Variants in OPHN1 observed in about 807,000 individuals in gnomAD.
OPHN1 encodes oligophrenin-1.
A neutral mutation model predicts 60.7 loss-of-function variants in OPHN1; 11 were observed. The observed-to-expected ratio is 0.18, with a 90% CI of 0.11 to 0.30. OPHN1 has a LOEUF of 0.30. OPHN1 is among the 10% of genes least tolerant of loss of function. The probability of loss-of-function intolerance (pLI) is 1.00; values close to 1 mark genes in which losing one functional copy is unlikely to be tolerated. For synonymous variants in OPHN1, 226 were observed against 222.6 expected, an observed-to-expected ratio of 1.02 and a Z score of -0.14; for missense variants, 449 against 611.0, an observed-to-expected ratio of 0.73 and a Z score of 2.80.
At position 68,299,029 on chromosome X, in the gene OPHN1, G is replaced by A. The variant is rs1162818894; in HGVS notation, c.222C>T (p.Asp74=). The change falls in exon 3 of 25, where the codon GAC becomes GAT. Residue 74 remains aspartate, a synonymous_variant. Transcript: ENST00000355520. ...TGTTAATTTCATCATCAGTCAGAGT[G>A]TCTCCAATGAAATCAAACTGAAATG... ...LQSFQFDFIG[D]TLTDDEINIA... 5.9e-6 allele frequency: 7 copies of A among 1,190,933 alleles called. No individual in the cohort carries two copies. The Admixed American group carries it at 1.5e-4, about 26-fold the overall frequency.
intron 5 of OPHN1, among the ~76,000 whole-genome samples, chrX:68,248,514 A>ATC (rs1451144822): frequency 9.0e-6 from 1 of 111,709 alleles, no homozygotes; most frequent in Non-Finnish European, 1.9e-5. Flanking sequence ...TAGTACAACC[A>ATC]CTATGGAGAA....
At chrX:68,382,072 G>C (rs2078599625) in intron 2 of OPHN1, among the ~76,000 whole-genome samples, 1 of 111,976 alleles carries the variant, frequency 8.9e-6, no homozygotes, top group African/African-American at 3.2e-5. Context: ...ACCAGGCCAG[G>C]TGCAATGGCT....
At chrX:68,088,119 G>C (rs778327104) in intron 19 of OPHN1, among the ~76,000 whole-genome samples, 2 of 111,404 alleles carry the variant, frequency 1.8e-5, no homozygotes, top group African/African-American at 6.5e-5. Flanking sequence ...TGTCCAAAGA[G>C]GGGGAAGTGA....
intron 18 of OPHN1, among the ~76,000 whole-genome samples, chrX:68,107,265 T>C (rs1277749690): frequency 1.8e-5 from 2 of 111,487 alleles, no homozygotes; most frequent in African/African-American, 6.5e-5. Context: ...ACTGTATTTG[T>C]TTGTTTCTTT....
Position 68,048,427 on chromosome X carries a change from A to G in OPHN1, c.2406T>C (p.Ser802=). 1 of 1,210,484 alleles carries G rather than the reference A, an allele frequency of 8.3e-7. No homozygotes were observed. The highest frequency in any genetic ancestry group is 1.1e-6 in the Non-Finnish European group (1 of 894,362). ...TGGGGACTGCATACCTGTAGCCTCA[A>G]CTTTCATCTCCAGGAAGTCTGCCTT... ...SSQGRLPGDE[S] The change falls in exon 24 of 25, where the codon AGT becomes AGC. Residue 802 remains serine (S), a synonymous_variant. Transcript: ENST00000355520.
intron 2 of OPHN1, among the ~76,000 whole-genome samples, chrX:68,424,288 T>C (rs1237782759): frequency 1.8e-5 from 2 of 112,227 alleles, no homozygotes; most frequent in Non-Finnish European, 3.8e-5. Context: ...TAACATATGT[T>C]CCAAAAGGGC....
chrX:68,430,252 C>T (rs988364818), intron 2 of OPHN1, among the ~76,000 whole-genome samples: 14 of 111,832 alleles, frequency 1.3e-4, no homozygotes, highest in Admixed American at 1.2e-3. Flanking sequence ...GTATAAACAT[C>T]ACTGTGGTCA....
intron 15 of OPHN1, among the ~76,000 whole-genome samples, chrX:68,157,741 T>A (rs1352491606): frequency 2.7e-5 from 3 of 111,083 alleles, no homozygotes; most frequent in Non-Finnish European, 5.7e-5. Flanking sequence ...AAATAAAAAG[T>A]CTACTTTGTG....
intron 5 of OPHN1, among the ~76,000 whole-genome samples, chrX:68,268,159 G>A (rs745418843): frequency 1.8e-5 from 2 of 111,195 alleles, no homozygotes; most frequent in South Asian, 7.6e-4. Flanking sequence ...AGAATACAGA[G>A]GTACAAGGAG....
chrX:68,288,936 G>T (rs935384490), intron 3 of OPHN1, among the ~76,000 whole-genome samples: 1 of 111,287 alleles, frequency 9.0e-6, no homozygotes, highest in African/African-American at 3.3e-5. Context: ...AACTAACCCT[G>T]CAGACGGCTC....
intron 20 of OPHN1, among the ~76,000 whole-genome samples, chrX:68,068,492 A>T (rs1284089552): frequency 2.8e-5 from 3 of 107,679 alleles, no homozygotes; most frequent in Non-Finnish European, 5.8e-5. Flanking sequence ...AAAAAAAAAA[A>T]AGGTACAGCT....
chrX:68,201,575 T>TCTGG, intron 11 of OPHN1, 44 bp downstream of exon 11: 1 of 1,056,686 alleles, frequency 9.5e-7, no homozygotes, highest in Non-Finnish European at 1.3e-6. Context: ...AGGCTAAGCA[T>TCTGG]CTGGCACGTG....
intron 19 of OPHN1, among the ~76,000 whole-genome samples, chrX:68,075,779 C>CAAAA (rs35536405): frequency 5.0e-5 from 2 of 39,865 alleles, no homozygotes; most frequent in African/African-American, 1.8e-4. Context: ...TATACATAGG[C>CAAAA]AAAAAAAAAA....
chrX:68,234,709 G>A, intron 5 of OPHN1, 121 bp from the exon 6 acceptor site: 1 of 541,305 alleles, frequency 1.8e-6, no homozygotes, highest in Non-Finnish European at 3.1e-6. Flanking sequence ...GCTCCTGGAA[G>A]GAAAAAAAAG....
intron 15 of OPHN1, among the ~76,000 whole-genome samples, chrX:68,178,306 G>C (rs1374582702): frequency 2.7e-5 from 3 of 111,895 alleles, no homozygotes; most frequent in African/African-American, 9.7e-5. Flanking sequence ...CAAATGTATG[G>C]CCAGTTATCA....
At chrX:68,351,758 G>A (rs1209161862) in intron 2 of OPHN1, among the ~76,000 whole-genome samples, 1 of 111,024 alleles carries the variant, frequency 9.0e-6, no homozygotes, top group Non-Finnish European at 1.9e-5. Context: ...GTGCAGTGCC[G>A]CGATCTCGGC....
intron 3 of OPHN1, among the ~76,000 whole-genome samples, chrX:68,297,134 T>C (rs954221550): frequency 1.8e-5 from 2 of 111,916 alleles, no homozygotes; most frequent in African/African-American, 6.5e-5. Context: ...TCATGTACCA[T>C]GTATCTCCCA....
chrX:68,307,449 C>T (rs1370996839), intron 2 of OPHN1, among the ~76,000 whole-genome samples: 3 of 96,667 alleles, frequency 3.1e-5, no homozygotes, highest in African/African-American at 4.7e-5. Context: ...GAGCGAGACC[C>T]TATGTCAACA....
At chrX:68,112,082 C>CAG in intron 17 of OPHN1, 123 bp from the exon 18 acceptor site, 1 of 421,112 alleles carries the variant, frequency 2.4e-6, no homozygotes. Context: ...CACACACACA[C>CAG]ACACACAGAG....
Sources: gnomAD v4.1 joint callset for allele counts (sites outside exome capture counted in the v4.1 genomes callset) on GRCh38, gnomAD v4.1.1 for gene constraint, MANE v1.5 for transcripts, NCBI Gene and HGNC (gene_info 2026-07-23, HGNC 2026-07-21) for gene names.